The following RANBP17 variants were observed in gnomAD, a reference collection of about 807,000 sequenced individuals.
RANBP17 encodes RAN binding protein 17.
Under a neutral mutation model 141.2 loss-of-function variants are expected in RANBP17, and 158 were observed. The ratio of observed to expected loss-of-function variants is 1.12; its 90% CI spans 0.98 to 1.28. The LOEUF (loss-of-function observed/expected upper bound fraction) is 1.28, where lower values mean the gene tolerates loss of function less well. Among genes scored for constraint, RANBP17 ranks in the 50% most tolerant of loss-of-function variants. The pLI is 0.00. For missense variants in RANBP17, 1,438 were observed against 1,290.7 expected (o/e 1.11, Z -1.75); for synonymous variants, 430 against 450.0 (o/e 0.96, Z 0.56).
At chr5:170,987,037 G>A (rs1000880705) in intron 14 of RANBP17, among the ~76,000 whole-genome samples, 2 of 151,670 alleles carry the variant, frequency 1.3e-5, no homozygotes, top group Non-Finnish European at 3.0e-5. Flanking sequence ...ACAATTTGGG[G>A]GAAAAGTGTT....
intron 14 of RANBP17, among the ~76,000 whole-genome samples, chr5:171,138,941 G>C (rs1365412406): frequency 6.6e-6 from 1 of 151,988 alleles, no homozygotes; most frequent in African/African-American, 2.4e-5. Context: ...CTGAGAAATG[G>C]TGGCATGCAC....
intron 14 of RANBP17, among the ~76,000 whole-genome samples, chr5:171,016,821 G>A (rs117731686): frequency 0.035 from 5,259 of 151,460 alleles, 145 homozygotes; most frequent in East Asian, 0.11. Context: ...CGTGCAGAAC[G>A]TGCAGTTTTG....
intron 14 of RANBP17, among the ~76,000 whole-genome samples, chr5:171,093,978 CAT>C (rs1366869986): frequency 6.6e-6 from 1 of 151,972 alleles, no homozygotes; most frequent in Non-Finnish European, 1.5e-5. Context: ...TTAAAGAGTG[CAT>C]AGTTTTTAAA....
At chr5:171,100,653 G>A (rs1787087009) in intron 14 of RANBP17, among the ~76,000 whole-genome samples, 1 of 152,032 alleles carries the variant, frequency 6.6e-6, no homozygotes, top group Admixed American at 6.6e-5. Context: ...TTTTGAATTT[G>A]TTTGCTCTTG....
chr5:171,073,500 T>C (rs1299739891), intron 14 of RANBP17, among the ~76,000 whole-genome samples: 1 of 152,084 alleles, frequency 6.6e-6, no homozygotes, highest in Non-Finnish European at 1.5e-5. Context: ...AAGTTACAAG[T>C]AAACAACAGG....
intron 1 of RANBP17, among the ~76,000 whole-genome samples, chr5:170,871,232 A>G (rs1013700778): frequency 2.0e-5 from 3 of 152,070 alleles, no homozygotes; most frequent in African/African-American, 7.2e-5. Flanking sequence ...TATTTTTAGT[A>G]GAGACAGGGT....
intron 14 of RANBP17, chr5:170,983,051 ATAT>A: frequency 2.0e-6 from 1 of 500,326 alleles, no homozygotes; most frequent in Non-Finnish European, 3.9e-6. Flanking sequence ...TACTTCTCTT[ATAT>A]CTTTTACCAG....
chr5:171,069,841 A>T (rs1478343336), intron 14 of RANBP17, among the ~76,000 whole-genome samples: 2 of 152,198 alleles, frequency 1.3e-5, no homozygotes, highest in African/African-American at 4.8e-5. Flanking sequence ...TTAGAAAAAA[A>T]TACAGTGATA....
In RANBP17 at chr5:171,266,250, T is replaced by C. The variant is rs148736369; in HGVS notation, c.2943+403T>C. 4.6e-3 allele frequency among the ~76,000 whole-genome samples: 699 copies of C among 152,306 alleles called. 5 individuals are homozygous for C. Among genetic ancestry groups the C allele is most frequent in the African/African-American group, 0.016 (666 of 41,562 alleles). On this transcript the variant is annotated intron_variant, in intron 25 of 27. Transcript: ENST00000523189. ...ACTACAATTTGCTGGGCTCCTAGTG[T>C]ATGCCAGGCAGCTTGCTAGGAATTT...
At chr5:171,024,130 C>A (rs746187844) in intron 14 of RANBP17, among the ~76,000 whole-genome samples, 1 of 152,048 alleles carries the variant, frequency 6.6e-6, no homozygotes, top group African/African-American at 2.4e-5. Context: ...ATGAAATTTG[C>A]ATTCCATTGG....
chr5:171,272,610 A>G (rs768102818), intron 25 of RANBP17, among the ~76,000 whole-genome samples: 73 of 152,232 alleles, frequency 4.8e-4, no homozygotes, highest in Non-Finnish European at 9.4e-4. Context: ...TGGGGTTCAC[A>G]TGCTTAAACA....
At chr5:171,178,980 C>G (rs896906404) in intron 16 of RANBP17, among the ~76,000 whole-genome samples, 5 of 152,126 alleles carry the variant, frequency 3.3e-5, no homozygotes, top group African/African-American at 1.2e-4. Context: ...GTTGCCTGTT[C>G]ACTCTGATGA....
At chr5:170,971,134 C>T (rs1464088618) in intron 14 of RANBP17, among the ~76,000 whole-genome samples, 1 of 152,112 alleles carries the variant, frequency 6.6e-6, no homozygotes, top group East Asian at 1.9e-4. Context: ...TAATATTAAG[C>T]ATCTTGAACA....
chr5:171,203,400 A>G (rs1762408891), intron 19 of RANBP17, among the ~76,000 whole-genome samples: 1 of 152,114 alleles, frequency 6.6e-6, no homozygotes, highest in Admixed American at 6.6e-5. Flanking sequence ...TTGTGTATCC[A>G]TGTAGATTAT....
At position 171,221,782 on chromosome 5, in the gene RANBP17, A is replaced by T. The variant is rs1161846540; in HGVS notation, c.2364A>T (p.Val788=). ...QNRSQRLNFD[V]SSPNGILLFR... ...GATCCCAGCGTTTGAATTTTGATGTATCATCTCCTAATGGAATTCTTCTCT... is the reference window on the plus strand; with the variant it reads ...GATCCCAGCGTTTGAATTTTGATGTTTCATCTCCTAATGGAATTCTTCTCT... Residue 788 remains valine (V), a synonymous_variant, in exon 22 of 28, where the codon GTA becomes GTT. Transcript: ENST00000523189. The T allele has an allele frequency of 3.1e-6, 5 of 1,610,696 alleles. No homozygotes were observed. In the African/African-American group the frequency reaches 4.0e-5, roughly 13 times the overall value.
At chr5:171,264,713 AAT>A (rs1766552198) in intron 24 of RANBP17, among the ~76,000 whole-genome samples, 1 of 152,156 alleles carries the variant, frequency 6.6e-6, no homozygotes, top group Non-Finnish European at 1.5e-5. Flanking sequence ...GTCTTTTATA[AAT>A]GGTGAAAAAA....
At chr5:171,050,971 G>T (rs1177918355) in intron 14 of RANBP17, among the ~76,000 whole-genome samples, 1 of 152,092 alleles carries the variant, frequency 6.6e-6, no homozygotes, top group Non-Finnish European at 1.5e-5. Flanking sequence ...TGATTTGATG[G>T]TTCTTTCCCT....
intron 14 of RANBP17, among the ~76,000 whole-genome samples, chr5:171,125,986 C>T (rs1756434010): frequency 6.6e-6 from 1 of 152,196 alleles, no homozygotes; most frequent in East Asian, 1.9e-4. Context: ...TGGAGTTTCA[C>T]CATGTTGGCC....
At chr5:170,979,942 G>T (rs529622278) in intron 14 of RANBP17, among the ~76,000 whole-genome samples, 23 of 152,282 alleles carry the variant, frequency 1.5e-4, no homozygotes, top group Admixed American at 1.4e-3. Flanking sequence ...GGAAAATGTG[G>T]GAAAGTTTGG....
Sources: gnomAD v4.1 joint callset for allele counts (sites outside exome capture counted in the v4.1 genomes callset) on GRCh38, gnomAD v4.1.1 for gene constraint, MANE v1.5 for transcripts, NCBI Gene and HGNC (gene_info 2026-07-23, HGNC 2026-07-21) for gene names.